The following GABRR1 variants were observed in gnomAD, a reference collection of about 807,000 sequenced individuals.
GABRR1 encodes gamma-aminobutyric acid receptor subunit rho-1.
In GABRR1, 59 loss-of-function variants were observed where a neutral mutation model predicts 55.5. The observed-to-expected ratio is 1.06, with a 90% CI of 0.86 to 1.32. GABRR1 has a LOEUF of 1.32. Among genes scored for constraint, GABRR1 ranks in the 40% most tolerant of loss-of-function variants. The probability of loss-of-function intolerance (pLI) is 0.00; values close to 1 mark genes in which losing one functional copy is unlikely to be tolerated. For missense variants in GABRR1, 602 were observed against 619.1 expected, an observed-to-expected ratio of 0.97 and a Z score of 0.29; for synonymous variants, 213 against 226.0, an observed-to-expected ratio of 0.94 and a Z score of 0.51.
intron 3 of GABRR1, among the ~76,000 whole-genome samples, chr6:89,200,286 T>C (rs576357158): frequency 6.3e-4 from 89 of 140,674 alleles, no homozygotes; most frequent in African/African-American, 2.3e-3. Flanking sequence ...TCTCACTCTG[T>C]TGCCCAGGCT....
At chr6:89,215,538 G>A (rs1304997347) in intron 1 of GABRR1, among the ~76,000 whole-genome samples, 3 of 152,116 alleles carry the variant, frequency 2.0e-5, no homozygotes, top group African/African-American at 4.8e-5. Flanking sequence ...GGAGATTGAG[G>A]GTATGAGGAG....
chr6:89,201,562 G>A (rs1344747002), intron 2 of GABRR1, among the ~76,000 whole-genome samples: 2 of 152,274 alleles, frequency 1.3e-5, no homozygotes, highest in African/African-American at 2.4e-5. Flanking sequence ...GGTGGATCAC[G>A]AGGTCAGGAG....
intron 6 of GABRR1, among the ~76,000 whole-genome samples, chr6:89,186,192 T>C (rs1771895903): frequency 6.6e-6 from 1 of 152,260 alleles, no homozygotes; most frequent in South Asian, 2.1e-4. Flanking sequence ...ATTTTATTCT[T>C]GTTTTCTAAC....
chr6:89,205,135 C>A (rs1053772641), intron 1 of GABRR1, among the ~76,000 whole-genome samples: 22 of 152,116 alleles, frequency 1.4e-4, no homozygotes, highest in Non-Finnish European at 2.6e-4. Flanking sequence ...TGAAGTAGGC[C>A]TCGTCATTAT....
intron 8 of GABRR1, among the ~76,000 whole-genome samples, 200 bp from the exon 9 acceptor site, chr6:89,180,688 C>T (rs1771690756): frequency 6.6e-6 from 1 of 152,154 alleles, no homozygotes; most frequent in Non-Finnish European, 1.5e-5. Flanking sequence ...CCCCTGCTTC[C>T]CTACCCTTTC....
intron 6 of GABRR1, 61 bp downstream of exon 6, chr6:89,190,104 G>T: frequency 8.5e-7 from 1 of 1,176,624 alleles, no homozygotes. Flanking sequence ...GCAGCTGAGA[G>T]TTAGAGGTGT....
intron 6 of GABRR1, among the ~76,000 whole-genome samples, chr6:89,186,963 T>C (rs1771921197): frequency 6.6e-6 from 1 of 152,210 alleles, no homozygotes; most frequent in African/African-American, 2.4e-5. Context: ...CCTGATCCAC[T>C]GCTACAAGCC....
chr6:89,227,050 G>A (rs1324388169), intron 1 of GABRR1, among the ~76,000 whole-genome samples: 1 of 80,166 alleles, frequency 1.2e-5, no homozygotes, highest in Non-Finnish European at 2.4e-5. Context: ...GTTCACTCAT[G>A]ATTTGGCTTT....
At chr6:89,184,629 C>A (rs1363288702) in intron 7 of GABRR1, among the ~76,000 whole-genome samples, 1 of 152,190 alleles carries the variant, frequency 6.6e-6, no homozygotes, top group Non-Finnish European at 1.5e-5. Context: ...TTGAAAACAG[C>A]AGACCTGAAT....
intron 7 of GABRR1, among the ~76,000 whole-genome samples, chr6:89,185,041 C>T (rs1562285043): frequency 1.3e-5 from 2 of 151,936 alleles, no homozygotes; most frequent in African/African-American, 2.4e-5. Flanking sequence ...TGTGCCACCA[C>T]ACTTGGCTAA....
At chr6:89,186,556 C>T (rs73754864) in intron 6 of GABRR1, among the ~76,000 whole-genome samples, 6,584 of 152,328 alleles carry the variant, frequency 0.043, 475 homozygotes, top group African/African-American at 0.15. Context: ...TAAATCTCTA[C>T]TCTGTATGTC....
intron 1 of GABRR1, among the ~76,000 whole-genome samples, chr6:89,212,429 TC>T (rs2127806682): frequency 2.9e-5 from 1 of 34,694 alleles, no homozygotes; most frequent in South Asian, 1.1e-3. Context: ...GCATCGTCTC[TC>T]TGAAATGGAA....
At chr6:89,198,323 C>T (rs924581663) in intron 4 of GABRR1, 80 bp from the exon 5 acceptor site, 4 of 1,049,140 alleles carry the variant, frequency 3.8e-6, no homozygotes, top group Admixed American at 1.7e-5. Context: ...CCTGTGGAGC[C>T]ATCACTTGGC....
At chr6:89,181,291 C>T (rs556581432) in intron 8 of GABRR1, among the ~76,000 whole-genome samples, 1 of 152,322 alleles carries the variant, frequency 6.6e-6, no homozygotes, top group South Asian at 2.1e-4. Context: ...GTCGCATTCT[C>T]CCCTGCAGCC....
At chr6:89,197,730 T>C (rs1413883742) in intron 5 of GABRR1, among the ~76,000 whole-genome samples, 1 of 152,168 alleles carries the variant, frequency 6.6e-6, no homozygotes, top group Admixed American at 6.5e-5. Flanking sequence ...AGTAAGTCCT[T>C]GAGAACACAT....
intron 1 of GABRR1, among the ~76,000 whole-genome samples, chr6:89,225,567 A>G (rs2127812585): frequency 7.5e-6 from 1 of 132,598 alleles, no homozygotes; most frequent in East Asian, 2.0e-4. Flanking sequence ...TTCCAATTTC[A>G]TCCATGTCCC....
At chr6:89,205,713 T>A (rs1772619311) in intron 1 of GABRR1, 1 of 152,206 alleles carries the variant, frequency 6.6e-6, no homozygotes, top group Non-Finnish European at 1.5e-5. Context: ...GAGCATCTGA[T>A]AAGTTACACT....
chr6:89,222,402 C>G (rs2127811361), intron 1 of GABRR1, among the ~76,000 whole-genome samples: 1 of 152,310 alleles, frequency 6.6e-6, no homozygotes, highest in Middle Eastern at 3.4e-3. Flanking sequence ...TTCCCCTTGG[C>G]CCACTGCATA....
intron 2 of GABRR1, among the ~76,000 whole-genome samples, chr6:89,201,727 C>T (rs1249254691): frequency 6.0e-5 from 9 of 150,246 alleles, no homozygotes; most frequent in Non-Finnish European, 1.0e-4. Context: ...TGCAGTGAGC[C>T]GAGATTGCAC....
Sources: gnomAD v4.1 joint callset for allele counts (sites outside exome capture counted in the v4.1 genomes callset) on GRCh38, gnomAD v4.1.1 for gene constraint, MANE v1.5 for transcripts, NCBI Gene and HGNC (gene_info 2026-07-23, HGNC 2026-07-21) for gene names.